EXT1: variants seen among roughly 807,000 people sequenced by gnomAD.
EXT1 encodes the protein exostosin-1.
A neutral mutation model predicts 82.5 loss-of-function variants in EXT1; 20 were observed. That is an observed-to-expected ratio of 0.24 (90% CI 0.17 to 0.35). The LOEUF is 0.35. Ranked by LOEUF, EXT1 falls within the 10% of genes least tolerant of loss-of-function variation. The probability of loss-of-function intolerance (pLI) is 1.00; values close to 1 mark genes in which losing one functional copy is unlikely to be tolerated. For missense variants in EXT1, 757 were observed against 936.5 expected, an observed-to-expected ratio of 0.81 and a Z score of 2.50; for synonymous variants, 348 against 350.8, an observed-to-expected ratio of 0.99 and a Z score of 0.09.
chr8:118,093,877 T>C (rs907396061), intron 1 of EXT1, among the ~76,000 whole-genome samples: 1 of 152,212 alleles, frequency 6.6e-6, no homozygotes, highest in African/African-American at 2.4e-5. Flanking sequence ...GAGGTCTGGG[T>C]CCTGCTGCTA....
intron 1 of EXT1, among the ~76,000 whole-genome samples, chr8:117,997,264 C>T (rs1010247709): frequency 6.7e-4 from 82 of 121,484 alleles, no homozygotes; most frequent in African/African-American, 2.2e-3. Flanking sequence ...TATATATATA[C>T]ACACTTTATA....
Position 117,995,572 on chromosome 8 carries a change from T to G in EXT1, c.962+114513A>C, listed in dbSNP as rs146580166. On this transcript the variant is annotated intron_variant, in intron 1 of 10. Transcript: ENST00000378204. ...GAACAAGCAATGTAGAGTTGAGGCA[T>G]CCCCAGGAAAAGCTTACCATTTTGC... Among the ~76,000 whole-genome samples, 403 of 152,082 alleles carry G rather than the reference T, an allele frequency of 2.6e-3. 2 individuals are homozygous for G. Among genetic ancestry groups the G allele is most frequent in the African/African-American group, 8.1e-3 (337 of 41,534 alleles).
intron 1 of EXT1, among the ~76,000 whole-genome samples, chr8:118,032,042 G>A (rs1037794807): frequency 1.3e-5 from 2 of 151,104 alleles, no homozygotes; most frequent in Non-Finnish European, 2.9e-5. Context: ...GCAGTGACTG[G>A]CTGAGCAATT....
chr8:117,897,591 C>CTTTTTTATTT (rs1813365092), intron 1 of EXT1, among the ~76,000 whole-genome samples: 1 of 90,656 alleles, frequency 1.1e-5, no homozygotes, highest in Non-Finnish European at 2.0e-5. Context: ...CTTCTTTTCT[C>CTTTTTTATTT]TTTTTTTTTT....
At chr8:118,026,059 T>C (rs1425498428) in intron 1 of EXT1, among the ~76,000 whole-genome samples, 2 of 152,130 alleles carry the variant, frequency 1.3e-5, no homozygotes, top group Non-Finnish European at 2.9e-5. Flanking sequence ...TTTCTTCAGT[T>C]ACAGAGGTTG....
intron 1 of EXT1, among the ~76,000 whole-genome samples, chr8:118,055,970 A>G (rs1816787471): frequency 6.6e-6 from 1 of 152,200 alleles, no homozygotes; most frequent in Non-Finnish European, 1.5e-5. Flanking sequence ...TGATGGTCTA[A>G]CACAGGGATG....
chr8:118,103,128 G>T (rs1343965965), intron 1 of EXT1, among the ~76,000 whole-genome samples: 1 of 152,136 alleles, frequency 6.6e-6, no homozygotes, highest in Non-Finnish European at 1.5e-5. Flanking sequence ...ACTCCAGCCT[G>T]GGCAACAAGA....
intron 1 of EXT1, among the ~76,000 whole-genome samples, chr8:117,926,356 G>T (rs145759010): frequency 6.6e-6 from 1 of 152,124 alleles, no homozygotes; most frequent in Non-Finnish European, 1.5e-5. Context: ...ATTAAAACTC[G>T]AGTGAGTTCC....
intron 7 of EXT1, among the ~76,000 whole-genome samples, chr8:117,815,192 C>A (rs1342897959): frequency 6.6e-6 from 1 of 152,340 alleles, no homozygotes; most frequent in East Asian, 1.9e-4. Context: ...CAGCTTAGCA[C>A]TGCCCTGACC....
At chr8:118,012,752 G>A (rs1815927743) in intron 1 of EXT1, among the ~76,000 whole-genome samples, 1 of 152,112 alleles carries the variant, frequency 6.6e-6, no homozygotes, top group Admixed American at 6.5e-5. Flanking sequence ...GCACATAATG[G>A]ACATTCAATC....
chr8:117,956,275 A>G (rs187048774), intron 1 of EXT1, among the ~76,000 whole-genome samples: 1 of 152,050 alleles, frequency 6.6e-6, no homozygotes, highest in African/African-American at 2.4e-5. Context: ...CACTCACTGG[A>G]CCTCAGTTTC....
At chr8:117,994,874 G>C (rs888738317) in intron 1 of EXT1, among the ~76,000 whole-genome samples, 3 of 152,138 alleles carry the variant, frequency 2.0e-5, no homozygotes, top group Non-Finnish European at 4.4e-5. Context: ...CCCAGCAGAC[G>C]GTCTGAATCC....
At chr8:118,073,323 G>C (rs1732580503) in intron 1 of EXT1, among the ~76,000 whole-genome samples, 1 of 152,194 alleles carries the variant, frequency 6.6e-6, no homozygotes, top group South Asian at 2.1e-4. Flanking sequence ...GCATTCATCA[G>C]AAATAGATGA....
In EXT1 at chr8:117,998,966, T is replaced by C. The variant is rs1815604606; in HGVS notation, c.962+111119A>G. Among the ~76,000 whole-genome samples, 5 of 152,256 alleles carry C rather than the reference T, an allele frequency of 3.3e-5. No individual in the cohort carries two copies. The South Asian group carries it at 1.0e-3, about 32-fold the overall frequency. On this transcript the variant is annotated intron_variant, in intron 1 of 10. Coordinates refer to ENST00000378204, the MANE Select transcript of EXT1 (RefSeq NM_000127.3). ...GTTCTGAGAAGGGAGGGAACATAAG[T>C]CATGTATAAACACAAAGCCAGGGAT...
chr8:118,004,385 A>G (rs1466592386), intron 1 of EXT1, among the ~76,000 whole-genome samples: 1 of 152,234 alleles, frequency 6.6e-6, no homozygotes, highest in Admixed American at 6.5e-5. Context: ...TAGCTCCTCA[A>G]TGAATATTTT....
At chr8:117,845,994 G>C (rs1302272264) in intron 1 of EXT1, among the ~76,000 whole-genome samples, 1 of 152,200 alleles carries the variant, frequency 6.6e-6, no homozygotes, top group East Asian at 1.9e-4. Flanking sequence ...TAGGAGGAAA[G>C]AGTAACGAGG....
chr8:118,019,246 T>TGAAAGAAA (rs58914414), intron 1 of EXT1, among the ~76,000 whole-genome samples: 32,391 of 145,442 alleles, frequency 0.22, 3,757 homozygotes, highest in Admixed American at 0.24. Context: ...GCAGTACGAT[T>TGAAAGAAA]GAAAGAAAGA....
chr8:118,022,427 T>A lies in EXT1; in HGVS notation c.962+87658A>T, dbSNP rs193129165. Among the ~76,000 whole-genome samples the A allele has an allele frequency of 2.1e-3, 261 of 122,832 alleles. 4 individuals are homozygous for A. Among genetic ancestry groups the A allele is most frequent in the Middle Eastern group, 0.02 (3 of 150 alleles). The allele number at this position is 122,832 out of a possible 152,430, so 80.6% of individuals were successfully genotyped here. ...ATCTCGGCTCACTGCAACCTCCACC[T>A]CCCAGGTTCAAGCGATTCTCCTGCC... On this transcript the variant is annotated intron_variant, in intron 1 of 10. Coordinates refer to ENST00000378204, the MANE Select transcript of EXT1 (RefSeq NM_000127.3).
chr8:117,828,048 A>G (rs1303057350), intron 4 of EXT1, among the ~76,000 whole-genome samples: 5 of 152,070 alleles, frequency 3.3e-5, no homozygotes, highest in Non-Finnish European at 2.9e-5. Context: ...AAAAAATGTA[A>G]TAACATGAGA....
Sources: gnomAD v4.1 joint callset for allele counts (sites outside exome capture counted in the v4.1 genomes callset) on GRCh38, gnomAD v4.1.1 for gene constraint, MANE v1.5 for transcripts, NCBI Gene and HGNC (gene_info 2026-07-23, HGNC 2026-07-21) for gene names.